Variants in RP1 observed in about 807,000 individuals in gnomAD.
RP1 encodes RP1 axonemal microtubule associated.
In RP1, 16 loss-of-function variants were observed where a neutral mutation model predicts 14.8. The ratio of observed to expected loss-of-function variants is 1.08; its 90% CI spans 0.73 to 1.65. RP1 has a LOEUF of 1.65. RP1 is among the 40% of genes most tolerant of loss of function. The probability of loss-of-function intolerance (pLI) is 0.00; values close to 1 mark genes in which losing one functional copy is unlikely to be tolerated. For synonymous variants in RP1, 876 were observed against 883.6 expected (o/e 0.99, Z 0.15); for missense variants, 2,631 against 2,535.0 (o/e 1.04, Z -0.81).
chr8:54,592,499 T>G (rs556242929), intron 1 of RP1, among the ~76,000 whole-genome samples: 1 of 152,360 alleles, frequency 6.6e-6, no homozygotes, highest in African/African-American at 2.4e-5. Flanking sequence ...ATGTTGTTCC[T>G]GGAATCTTAA....
At chr8:54,699,946 G>A (rs966245645) in intron 13 of RP1, among the ~76,000 whole-genome samples, 9 of 152,172 alleles carry the variant, frequency 5.9e-5, no homozygotes, top group African/African-American at 2.2e-4. Flanking sequence ...ATGCATACAT[G>A]TTATTTATTT....
At chr8:54,621,669 G>A in intron 2 of RP1, 88 bp downstream of exon 2, 1 of 1,592,324 alleles carries the variant, frequency 6.3e-7, no homozygotes, top group Middle Eastern at 2.1e-4. Context: ...GTGGCCCCCG[G>A]GAAGGAAATC....
At chr8:54,807,474 T>G (rs1367979600) in intron 24 of RP1, among the ~76,000 whole-genome samples, 1 of 152,152 alleles carries the variant, frequency 6.6e-6, no homozygotes, top group East Asian at 1.9e-4. Flanking sequence ...CATGCTGTAT[T>G]CAATGTGTGT....
intron 25 of RP1, among the ~76,000 whole-genome samples, chr8:54,841,483 C>A (rs1353935029): frequency 2.6e-5 from 4 of 152,108 alleles, no homozygotes; most frequent in Admixed American, 2.0e-4. Flanking sequence ...GTGACATTGT[C>A]TTTATTTTCA....
intron 8 of RP1, among the ~76,000 whole-genome samples, chr8:54,677,211 A>G (rs1035712093): frequency 3.9e-5 from 6 of 151,910 alleles, no homozygotes; most frequent in African/African-American, 1.5e-4. Flanking sequence ...AAACTGGGGC[A>G]TTTGATCACT....
At chr8:54,804,444 G>T (rs1350672218) in intron 24 of RP1, among the ~76,000 whole-genome samples, 1 of 152,104 alleles carries the variant, frequency 6.6e-6, no homozygotes, top group African/African-American at 2.4e-5. Context: ...TGATATGGAT[G>T]ACCTGAGACT....
At chr8:54,682,742 C>G (rs1807466222) in intron 12 of RP1, among the ~76,000 whole-genome samples, 1 of 151,948 alleles carries the variant, frequency 6.6e-6, no homozygotes, top group Non-Finnish European at 1.5e-5. Context: ...CTCCCATTCT[C>G]TAGGCTTTCT....
chr8:54,789,599 C>T (rs1201239055), intron 24 of RP1, among the ~76,000 whole-genome samples: 1 of 152,190 alleles, frequency 6.6e-6, no homozygotes, highest in African/African-American at 2.4e-5. Context: ...TGGCCCCTTT[C>T]AGCTGTGAAG....
intron 19 of RP1, among the ~76,000 whole-genome samples, chr8:54,751,092 C>T (rs1275692189): frequency 1.3e-5 from 2 of 152,218 alleles, no homozygotes; most frequent in Non-Finnish European, 2.9e-5. Flanking sequence ...GTCTGCGGCT[C>T]CATTCTTGAA....
In RP1 at chr8:54,755,692, T is replaced by A. The variant is rs1003981407; in HGVS notation, c.3015T>A (p.Cys1005Ter). The A allele has an allele frequency of 2.3e-5, 36 of 1,535,860 alleles. No homozygotes were observed. In the Admixed American group the frequency reaches 6.5e-4, roughly 28 times the overall value. ...AGACGGAGTCTGAGGTTTTCCTCTG[T>A]CTCTTTGGGGAGAGGGGAGACTCTG... is the stretch of plus-strand genomic sequence containing the variant. Residue 1005 changes from cysteine (C) to a stop codon, truncating the protein, a stop_gained, in exon 21 of 23, where the codon TGT (cysteine) becomes TGA (stop). Coordinates refer to the RP1 transcript ENST00000636932. LOFTEE classifies it high-confidence loss of function.
chr8:54,848,780 ACT>A (rs1811989168), intron 25 of RP1, among the ~76,000 whole-genome samples: 1 of 152,012 alleles, frequency 6.6e-6, no homozygotes, highest in Non-Finnish European at 1.5e-5. Flanking sequence ...ATGGAGTATC[ACT>A]CTGTTGCCCA....
intron 3 of RP1, among the ~76,000 whole-genome samples, 158 bp from the exon 4 acceptor site, chr8:54,624,512 T>G (rs1378456881): frequency 1.3e-5 from 2 of 150,194 alleles, no homozygotes; most frequent in Non-Finnish European, 3.0e-5. Context: ...ATCAGTAACA[T>G]TTTACTATGA....
intron 27 of RP1, among the ~76,000 whole-genome samples, chr8:54,862,302 G>A (rs1019456402): frequency 5.9e-5 from 9 of 152,030 alleles, no homozygotes; most frequent in African/African-American, 9.7e-5. Context: ...CTTCTATTAC[G>A]TCATATGCTC....
chr8:54,647,026 C>G (rs1563337399), intron 3 of RP1, among the ~76,000 whole-genome samples: 1 of 152,132 alleles, frequency 6.6e-6, no homozygotes, highest in East Asian at 1.9e-4. Context: ...TTTTTATTTA[C>G]TGATTGTCTA....
intron 7 of RP1, among the ~76,000 whole-genome samples, chr8:54,665,479 G>A (rs4606036): frequency 0.3 from 45,545 of 152,128 alleles, 8,337 homozygotes; most frequent in Middle Eastern, 0.48. Flanking sequence ...ATAGAAGTCA[G>A]TCTCTTGAGA....
chr8:54,604,783 C>T (rs992371574), intron 1 of RP1, among the ~76,000 whole-genome samples: 22 of 151,928 alleles, frequency 1.4e-4, no homozygotes, highest in East Asian at 3.9e-4. Flanking sequence ...GTATGTGTTG[C>T]GGAATTTATC....
intron 8 of RP1, among the ~76,000 whole-genome samples, chr8:54,674,334 A>C (rs1807246739): frequency 6.6e-6 from 1 of 152,150 alleles, no homozygotes; most frequent in Admixed American, 6.6e-5. Flanking sequence ...CTGTCCTGGC[A>C]GTGAGGTCTG....
intron 12 of RP1, among the ~76,000 whole-genome samples, chr8:54,693,281 G>A (rs1254271913): frequency 2.0e-5 from 3 of 152,104 alleles, no homozygotes; most frequent in Non-Finnish European, 4.4e-5. Context: ...TTTTGGCTTA[G>A]GATTGACTTG....
intron 16 of RP1, among the ~76,000 whole-genome samples, chr8:54,723,703 C>T (rs1246625839): frequency 6.6e-6 from 1 of 152,112 alleles, no homozygotes; most frequent in African/African-American, 2.4e-5. Flanking sequence ...GATAATAAGC[C>T]TGCATTTATA....
Sources: gnomAD v4.1 joint callset for allele counts (sites outside exome capture counted in the v4.1 genomes callset) on GRCh38, gnomAD v4.1.1 for gene constraint, MANE v1.5 for transcripts, NCBI Gene and HGNC (gene_info 2026-07-23, HGNC 2026-07-21) for gene names.